Variants in SETD7 observed in about 807,000 individuals in gnomAD.
SETD7 encodes SET domain containing 7, histone lysine methyltransferase.
Under a neutral mutation model 41.8 loss-of-function variants are expected in SETD7, and 16 were observed. That is an observed-to-expected ratio of 0.38 (90% confidence interval 0.26 to 0.58). SETD7 has a LOEUF of 0.58. Among genes scored for constraint, SETD7 ranks in the 20% least tolerant of loss-of-function variants. The pLI is 0.64. For synonymous variants in SETD7, 163 were observed against 169.7 expected (o/e 0.96, Z 0.31); for missense variants, 346 against 459.7 (o/e 0.75, Z 2.26).
intron 2 of SETD7, among the ~76,000 whole-genome samples, chr4:139,535,887 T>A (rs961763350): frequency 3.3e-5 from 5 of 152,210 alleles, no homozygotes; most frequent in African/African-American, 1.2e-4. Flanking sequence ...AGTGATTTTT[T>A]AAAATCCTCT....
chr4:139,533,016 G>C, intron 3 of SETD7, 149 bp downstream of exon 3: 1 of 666,562 alleles, frequency 1.5e-6, no homozygotes, highest in South Asian at 1.8e-5. Flanking sequence ...GTAACAGTGA[G>C]AGGGCATGCC....
chr4:139,543,945 C>G (rs1287643228), intron 2 of SETD7, among the ~76,000 whole-genome samples: 1 of 150,712 alleles, frequency 6.6e-6, no homozygotes, highest in African/African-American at 2.5e-5. Context: ...GCCTGGGAGA[C>G]AGAGCAAGAC....
At position 139,520,298 on chromosome 4, in the gene SETD7, TC is replaced by T; in HGVS notation, c.740del (p.Gly247GlufsTer76). On this transcript the variant is annotated frameshift_variant, in exon 6 of 8. Coordinates refer to ENST00000274031, the MANE Select transcript of SETD7 (RefSeq NM_030648.4). LOFTEE classifies it high-confidence loss of function. ...TCACCTCTTGGTGTGTAATTCGAAC[TC>T]CATTATAAAAAGACATAACAGTATT... ...GPNTVMSFYN[G>X]VRITHQEVDS... 6.3e-7 allele frequency: 1 copy of T among 1,595,638 alleles called. No individual in the cohort carries two copies. Among genetic ancestry groups the T allele is most frequent in the Non-Finnish European group, 8.5e-7 (1 of 1,169,774 alleles).
intron 7 of SETD7, among the ~76,000 whole-genome samples, chr4:139,515,761 C>T (rs1727006488): frequency 6.6e-6 from 1 of 152,182 alleles, no homozygotes; most frequent in Non-Finnish European, 1.5e-5. Context: ...TTCAAGGATG[C>T]AGGGATGGAC....
chr4:139,546,564 G>A (rs939721688), intron 2 of SETD7: 6 of 341,742 alleles, frequency 1.8e-5, no homozygotes, highest in South Asian at 1.3e-4. Context: ...TGACAAAAAC[G>A]ATCCCCACTT....
At chr4:139,518,597 T>C (rs1299208102) in intron 6 of SETD7, among the ~76,000 whole-genome samples, 1 of 152,000 alleles carries the variant, frequency 6.6e-6, no homozygotes, top group Non-Finnish European at 1.5e-5. Context: ...TTAAAGTCCC[T>C]GATGAAAACA....
intron 7 of SETD7, among the ~76,000 whole-genome samples, chr4:139,514,622 C>T (rs1726974418): frequency 6.6e-6 from 1 of 152,196 alleles, no homozygotes; most frequent in South Asian, 2.1e-4. Context: ...ATAGCAGTGG[C>T]CTCACTGAGT....
At chr4:139,547,669 T>C (rs1469252966) in intron 1 of SETD7, among the ~76,000 whole-genome samples, 3 of 152,262 alleles carry the variant, frequency 2.0e-5, no homozygotes, top group South Asian at 2.1e-4. Flanking sequence ...AAGATTTATA[T>C]AGCTCATTGT....
intron 2 of SETD7, among the ~76,000 whole-genome samples, chr4:139,542,153 C>T (rs1174643386): frequency 8.5e-5 from 13 of 152,090 alleles, no homozygotes; most frequent in African/African-American, 1.2e-4. Context: ...GGACAAATAC[C>T]GCATGATCTC....
intron 7 of SETD7, among the ~76,000 whole-genome samples, chr4:139,512,644 G>GA: frequency 6.6e-6 from 1 of 151,978 alleles, no homozygotes; most frequent in Non-Finnish European, 1.5e-5. Flanking sequence ...TCACCTAACA[G>GA]CTGCTGAAAT....
Position 139,555,458 on chromosome 4 carries a change from G to A in SETD7, c.40+640C>T, listed in dbSNP as rs1365959969. Reference sequence around the variant, plus strand: ...TCGCTCGGGGGCAGCTGAGGGGAGGGCTGCCCGCCTCCCGGACGGCGCACG... The same window carrying A: ...TCGCTCGGGGGCAGCTGAGGGGAGGACTGCCCGCCTCCCGGACGGCGCACG... On this transcript the variant is annotated intron_variant, in intron 1 of 7. Coordinates refer to ENST00000274031, the MANE Select transcript of SETD7 (RefSeq NM_030648.4). The surrounding 1 kb of genome is among the most constrained non-coding windows in gnomAD (Gnocchi z 4.0). Among the ~76,000 whole-genome samples the A allele has an allele frequency of 2.0e-5, 3 of 152,136 alleles. No individual in the cohort carries two copies. The highest frequency in any genetic ancestry group is 4.8e-5 in the African/African-American group (2 of 41,448).
At chr4:139,526,375 T>C (rs1672194606) in intron 4 of SETD7, among the ~76,000 whole-genome samples, 1 of 150,418 alleles carries the variant, frequency 6.6e-6, no homozygotes, top group African/African-American at 2.4e-5. Context: ...GCTCACGTGA[T>C]CCTCCCACCT....
intron 2 of SETD7, among the ~76,000 whole-genome samples, chr4:139,543,763 T>C (rs1320251627): frequency 7.5e-5 from 10 of 133,024 alleles, no homozygotes; most frequent in Non-Finnish European, 1.3e-4. Context: ...CCATCCTGGC[T>C]AACAAGGTGA....
At chr4:139,524,553 G>C (rs191835575) in intron 4 of SETD7, among the ~76,000 whole-genome samples, 148 of 152,282 alleles carry the variant, frequency 9.7e-4, no homozygotes, top group African/African-American at 3.3e-3. Context: ...GAGGTGATGG[G>C]GCCACTGCTG....
Position 139,496,261 on chromosome 4 carries a change from A to G in SETD7, c.*92T>C. On this transcript the variant is annotated 3_prime_UTR_variant, in exon 8 of 8. Transcript: ENST00000506866. ...CTTTTCAGATCTTAAAATGGCTCCCAGAGTGCGATTTTGAGTTCTTGAGGG... is the reference window on the plus strand; with the variant it reads ...CTTTTCAGATCTTAAAATGGCTCCCGGAGTGCGATTTTGAGTTCTTGAGGG... 8 of 587,432 alleles carry G rather than the reference A, an allele frequency of 1.4e-5. No homozygotes were observed. In the South Asian group the frequency reaches 1.7e-4, roughly 13 times the overall value. 36.4% of individuals were successfully genotyped at this position (587,432 alleles called of 1,614,324 possible). A position where few individuals can be genotyped will look rare whatever the true frequency, so the allele number is the denominator to read the frequency against.
rs964258175 is a variant in SETD7, at chr4:139,496,660, C to G, written c.921-139G>C. The G allele has an allele frequency of 2.1e-5, 13 of 607,342 alleles. No homozygotes were observed. The African/African-American group carries it at 2.4e-4, about 11-fold the overall frequency. 37.6% of individuals were successfully genotyped at this position (607,342 alleles called of 1,614,324 possible). On this transcript the variant is annotated intron_variant, in intron 7 of 7. Coordinates refer to the SETD7 transcript ENST00000506866. ...TTTTTCTAAATCTTCTCCATCCTCT[C>G]TTTTGCTGGCTCTGACTTTTCACTG...
chr4:139,507,125 G>A lies in SETD7; in HGVS notation c.*4538C>T, dbSNP rs1235638012. The A allele has an allele frequency of 1.3e-5, 2 of 152,730 alleles. No homozygotes were observed. Among genetic ancestry groups the A allele is most frequent in the Non-Finnish European group, 2.9e-5 (2 of 68,098 alleles). The allele number at this position is 152,730 out of a possible 1,614,324, so 9.5% of individuals were successfully genotyped here. A position where few individuals can be genotyped will look rare whatever the true frequency, so the allele number is the denominator to read the frequency against. ...CCTGACGTGTGTGACTAGGCAGTAA[G>A]GGTGGCGGTTGATGGCGGCCGGGAA... is the stretch of plus-strand genomic sequence containing the variant. On this transcript the variant is annotated 3_prime_UTR_variant, in exon 8 of 8. Transcript: ENST00000274031.
intron 2 of SETD7, among the ~76,000 whole-genome samples, chr4:139,537,434 CTG>C (rs1727669309): frequency 1.3e-5 from 2 of 152,190 alleles, no homozygotes; most frequent in African/African-American, 4.8e-5. Context: ...CTGCTGGTCA[CTG>C]TGTTAAACAG....
chr4:139,496,366 A>G (rs1726455235), exon 8 of SETD7: 4 of 701,880 alleles, frequency 5.7e-6, no homozygotes, highest in Admixed American at 4.0e-5. Flanking sequence ...ATTACTCACG[A>G]ACATCATTAT....
Sources: gnomAD v4.1 joint callset for allele counts (sites outside exome capture counted in the v4.1 genomes callset) on GRCh38, gnomAD v4.1.1 for gene constraint, Gnocchi (gnomAD v3.1) non-coding constraint, MANE v1.5 for transcripts, NCBI Gene and HGNC (gene_info 2026-07-23, HGNC 2026-07-21) for gene names.